The following ZNF433 variants were observed in gnomAD, a reference collection of about 807,000 sequenced individuals.
ZNF433 encodes the protein zinc finger protein 433.
A neutral mutation model predicts 10.6 loss-of-function variants in ZNF433; 12 were observed. That is an observed-to-expected ratio of 1.13 (90% CI 0.72 to 1.83). The LOEUF (loss-of-function observed/expected upper bound fraction) is 1.83, where lower values mean the gene tolerates loss of function less well. Among genes scored for constraint, ZNF433 ranks in the 40% most tolerant of loss-of-function variants. The pLI is 0.00. For synonymous variants in ZNF433, 272 were observed against 271.3 expected (o/e 1.00, Z -0.02); for missense variants, 737 against 798.0 (o/e 0.92, Z 0.92).
chr19:12,016,573 A>C lies in ZNF433; in HGVS notation c.285T>G (p.Thr95=). ...TGCTTTCGCATGATTTTACTCCAGT[A>C]GTTGTTTTCTTCAGCATGTCATCTG... The part of the protein sequence containing the change: ...QVPDDMLKKT[T]TGVKSCESSV... The change falls in exon 4 of 4, where the codon ACT becomes ACG. Residue 95 remains threonine, a synonymous_variant. Coordinates refer to ENST00000550507, the MANE Select transcript of ZNF433 (RefSeq NM_001308348.2). 6.2e-7 allele frequency: 1 copy of C among 1,614,140 alleles called. No individual in the cohort carries two copies. Among genetic ancestry groups the C allele is most frequent in the East Asian group, 2.2e-5 (1 of 44,872 alleles).
chr19:12,019,258 TAAAAATAC>T (rs757992327), intron 1 of ZNF433, among the ~76,000 whole-genome samples: 4 of 151,866 alleles, frequency 2.6e-5, no homozygotes, highest in Non-Finnish European at 4.4e-5. Context: ...CCGTCTCTAC[TAAAAATAC>T]AAAAATAAGC....
At chr19:12,019,412 C>T (rs1239341741) in intron 1 of ZNF433, among the ~76,000 whole-genome samples, 1 of 151,984 alleles carries the variant, frequency 6.6e-6, no homozygotes, top group East Asian at 1.9e-4. Context: ...AGCAAGACTC[C>T]ATCACAAAAA....
intron 1 of ZNF433, among the ~76,000 whole-genome samples, chr19:12,032,955 G>A (rs1407335165): frequency 6.6e-6 from 1 of 152,160 alleles, no homozygotes; most frequent in Non-Finnish European, 1.5e-5. Context: ...AAAGAACACA[G>A]TGATGTTTGA....
At chr19:12,034,655 A>T in intron 1 of ZNF433, 1 of 329,532 alleles carries the variant, frequency 3.0e-6, no homozygotes, top group South Asian at 2.4e-5. Context: ...GGGTGGGATG[A>T]AATCATATGA....
chr19:12,028,676 T>C (rs1451056442), intron 1 of ZNF433, among the ~76,000 whole-genome samples: 3 of 152,236 alleles, frequency 2.0e-5, no homozygotes, highest in Non-Finnish European at 4.4e-5. Flanking sequence ...TTACAGTTAA[T>C]TTTCTTTTTA....
In ZNF433 at chr19:12,014,863, G is replaced by A. The variant is rs750236446; in HGVS notation, c.1995C>T (p.His665=). 10 of 1,589,592 alleles carry A rather than the reference G, an allele frequency of 6.3e-6. No homozygotes were observed. Among genetic ancestry groups the A allele is most frequent in the Admixed American group, 5.3e-5 (3 of 56,940 alleles). Residue 665 remains histidine, a synonymous_variant, in exon 4 of 4, where the codon CAC becomes CAT. Coordinates refer to ENST00000550507, the MANE Select transcript of ZNF433 (RefSeq NM_001308348.2). ...SSQLQVHGRA[H]CIDTP is the part of the protein sequence containing the mutation. ...CCTGGGGTTATGGGGTGTCTATGCA[G>A]TGAGCCCTTCCATGCACTTGAAGTT...
At chr19:12,023,056 C>T (rs977619264) in intron 1 of ZNF433, 9 of 152,262 alleles carry the variant, frequency 5.9e-5, no homozygotes, top group African/African-American at 2.2e-4. Context: ...ACATTTGAGC[C>T]TTTTCCTTTT....
intron 1 of ZNF433, chr19:12,026,378 TCA>T: frequency 3.3e-6 from 1 of 303,406 alleles, no homozygotes; most frequent in East Asian, 1.1e-4. Flanking sequence ...CAAGAAGCTG[TCA>T]CAGATGGCAG....
intron 3 of ZNF433, 121 bp downstream of exon 3, chr19:12,017,755 C>T: frequency 1.4e-6 from 1 of 721,318 alleles, no homozygotes; most frequent in Non-Finnish European, 2.2e-6. Context: ...AGAAAATTTT[C>T]TAAGAATAAA....
In ZNF433 at chr19:12,015,607, T is replaced by C. The variant is rs144541209; in HGVS notation, c.1251A>G (p.Lys417=). 5.0e-6 allele frequency: 8 copies of C among 1,613,658 alleles called. No homozygotes were observed. In the African/African-American group the frequency reaches 9.3e-5, roughly 19 times the overall value. The change falls in exon 4 of 4, where the codon AAA becomes AAG. Residue 417 remains lysine, a synonymous_variant. Transcript: ENST00000550507. ...TCCCACATTGCTTACACTCGTAAGGTTTCTCTCCAGTGTGAGTTCTTTCAT... is the reference window on the plus strand; with the variant it reads ...TCCCACATTGCTTACACTCGTAAGGCTTCTCTCCAGTGTGAGTTCTTTCAT... ...RYHERTHTGE[K]PYECKQCGKA... is the part of the protein sequence containing the mutation.
chr19:12,018,283 C>G lies in ZNF433; in HGVS notation c.13G>C (p.Ala5Pro). Residue 5 changes from alanine (A) to proline (P), a missense_variant, in exon 2 of 4, where the codon GCC becomes CCC. By Grantham distance (27) the Ala-to-Pro change is conservative (BLOSUM62 -1). Coordinates refer to ENST00000550507, the MANE Select transcript of ZNF433 (RefSeq NM_001308348.2). ...AAGGTCACAGCCACATCCTCAAAGG[C>G]CACTGAATCCTGAAACATCTCACAT... MDSV[A>P]FEDVAVTFTQ... 1 of 1,613,238 alleles carries G rather than the reference C, an allele frequency of 6.2e-7. No homozygotes were observed. The highest frequency in any genetic ancestry group is 1.7e-4 in the Middle Eastern group (1 of 6,058).
In ZNF433 at chr19:12,015,196, AGT is replaced by A. The variant is rs1173199855; in HGVS notation, c.1660_1661del (p.Thr554TrpfsTer6). On this transcript the variant is annotated frameshift_variant, in exon 4 of 4. Transcript: ENST00000550507. LOFTEE classifies it low-confidence loss of function (END_TRUNC). ...SQLQIHGRTHTGEKPYECKQC... is the reference protein window; with the variant it reads ...SQLQIHGRTHXGEKPYECKQC... ...GCTTACATTCATAAGGTTTCTCTCC[AGT>A]GTGAGTCCTTCCATGAATTTGAAGC... 1.2e-6 allele frequency: 2 copies of A among 1,613,878 alleles called. No homozygotes were observed. The highest frequency in any genetic ancestry group is 1.7e-6 in the Non-Finnish European group (2 of 1,179,910).
At chr19:12,033,380 A>G (rs1046475921) in intron 1 of ZNF433, among the ~76,000 whole-genome samples, 7 of 152,198 alleles carry the variant, frequency 4.6e-5, no homozygotes, top group Non-Finnish European at 1.0e-4. Context: ...TATAGGCATG[A>G]GCCACTGCAC....
Position 12,018,197 on chromosome 19 carries a change from C to G in ZNF433, c.99G>C (p.Met33Ile). The G allele has an allele frequency of 6.2e-7, 1 of 1,607,774 alleles. No individual in the cohort carries two copies. The highest frequency in any genetic ancestry group is 2.2e-5 in the East Asian group (1 of 44,750). Reference protein sequence around the residue: ...PSQKNLCRDVMQETFRNLASI... With the variant: ...PSQKNLCRDVIQETFRNLASI... ...AGGCCAGGTTCCTGAAGGTTTCTTG[C>G]ATCACATCTCTACAGAGATTTTTCT... Residue 33 changes from methionine to isoleucine, a missense_variant, in exon 2 of 4, where the codon ATG becomes ATC. Coordinates refer to ENST00000550507, the MANE Select transcript of ZNF433 (RefSeq NM_001308348.2).
intron 1 of ZNF433, chr19:12,022,174 C>A (rs1327122881): frequency 2.6e-6 from 1 of 388,078 alleles, no homozygotes; most frequent in Non-Finnish European, 5.3e-6. Context: ...GGGTAGAAAA[C>A]CACTTAAAGG....
At chr19:12,028,742 A>G (rs1324995772) in intron 1 of ZNF433, among the ~76,000 whole-genome samples, 1 of 152,308 alleles carries the variant, frequency 6.6e-6, no homozygotes, top group African/African-American at 2.4e-5. Flanking sequence ...ACTGTCACCC[A>G]TGCTATGGTG....
chr19:12,016,070 G>C lies in ZNF433; in HGVS notation c.788C>G (p.Ser263Cys), dbSNP rs773127615. ...CNECGKAFHS[S>C]TCLHAHKRTH... ...TCTTTTATGAGCATGAAGGCATGTG[G>C]AACTATGGAATGCTTTCCCACATTC... is the stretch of plus-strand genomic sequence containing the variant. The change falls in exon 4 of 4, where the codon TCC becomes TGC. Residue 263 changes from serine (S) to cysteine (C), a missense_variant. Coordinates refer to ENST00000550507, the MANE Select transcript of ZNF433 (RefSeq NM_001308348.2). 6.2e-7 allele frequency: 1 copy of C among 1,614,058 alleles called. No individual in the cohort carries two copies. The highest frequency in any genetic ancestry group is 1.1e-5 in the South Asian group (1 of 91,066).
In ZNF433 at chr19:12,035,624, C is replaced by T. The variant is rs979347536; in HGVS notation, c.-85G>A. The T allele has an allele frequency of 4.6e-6, 7 of 1,525,022 alleles. No homozygotes were observed. In the East Asian group the frequency reaches 1.5e-4, roughly 33 times the overall value. 94.5% of individuals were successfully genotyped at this position (1,525,022 alleles called of 1,614,324 possible). A position where few individuals can be genotyped will look rare whatever the true frequency, so the allele number is the denominator to read the frequency against. ...TATGGCAGAGGCACCTGAACCCTCT[C>T]GGAGGGGAAAGCCAGGCTCCCAACC... On this transcript the variant is annotated 5_prime_UTR_variant, in exon 1 of 4. Transcript: ENST00000550507.
At chr19:12,028,148 T>G (rs1974829943) in intron 1 of ZNF433, 1 of 152,084 alleles carries the variant, frequency 6.6e-6, no homozygotes, top group Non-Finnish European at 1.5e-5. Context: ...GCTCAAGTGA[T>G]CCTCCCACCA....
Sources: gnomAD v4.1 joint callset for allele counts (sites outside exome capture counted in the v4.1 genomes callset) on GRCh38, gnomAD v4.1.1 for gene constraint, MANE v1.5 for transcripts, NCBI Gene and HGNC (gene_info 2026-07-23, HGNC 2026-07-21) for gene names.